SULF2: variants seen among roughly 807,000 people sequenced by gnomAD.
SULF2 encodes extracellular sulfatase Sulf-2.
Under a neutral mutation model 107.7 loss-of-function variants are expected in SULF2, and 52 were observed. The ratio of observed to expected loss-of-function variants is 0.48; its 90% CI spans 0.39 to 0.61. The LOEUF (loss-of-function observed/expected upper bound fraction) is 0.61, where lower values mean the gene tolerates loss of function less well. SULF2 is among the 20% of genes least tolerant of loss of function. The probability of loss-of-function intolerance (pLI) is 0.00; values close to 1 mark genes in which losing one functional copy is unlikely to be tolerated. For missense variants in SULF2, 993 were observed against 1,177.3 expected (o/e 0.84, Z 2.29); for synonymous variants, 460 against 464.3 (o/e 0.99, Z 0.12).
chr20:47,697,015 G>T (rs1245764973), intron 4 of SULF2, among the ~76,000 whole-genome samples: 1 of 152,190 alleles, frequency 6.6e-6, no homozygotes, highest in African/African-American at 2.4e-5. Flanking sequence ...GCTGCGGCAA[G>T]GGGCGGGGCA....
Position 47,768,208 on chromosome 20 carries a change from CAACACACCG to C in SULF2, c.-100-10754_-100-10746del, listed in dbSNP as rs143093225. Among the ~76,000 whole-genome samples the C allele has an allele frequency of 1.7e-3, 255 of 152,296 alleles. 1 individual carries two copies. The highest frequency in any genetic ancestry group is 5.8e-3 in the African/African-American group (241 of 41,554). On this transcript the variant is annotated intron_variant, in intron 1 of 20. Transcript: ENST00000688720. ...TCTTGAGTGGGGTCGGGAATGAAGCCAACACACCGAACACAGCAGTGCTGTGAAATGCAC... is the reference window on the plus strand; with the variant it reads ...TCTTGAGTGGGGTCGGGAATGAAGCCAACACAGCAGTGCTGTGAAATGCAC...
At chr20:47,719,092 A>AT (rs1339429608) in intron 3 of SULF2, among the ~76,000 whole-genome samples, 3 of 152,192 alleles carry the variant, frequency 2.0e-5, no homozygotes. Context: ...AATTACGGAT[A>AT]TTTTCATATC....
intron 3 of SULF2, among the ~76,000 whole-genome samples, chr20:47,720,846 A>G (rs1423543931): frequency 6.6e-6 from 1 of 152,190 alleles, no homozygotes; most frequent in East Asian, 1.9e-4. Flanking sequence ...AGCAGAGAAC[A>G]ATCCCATTAA....
At chr20:47,702,150 C>G (rs779252470) in intron 4 of SULF2, among the ~76,000 whole-genome samples, 3 of 152,136 alleles carry the variant, frequency 2.0e-5, no homozygotes, top group Non-Finnish European at 4.4e-5. Context: ...CTCAAACTCC[C>G]GGGCTTAAGC....
intron 3 of SULF2, among the ~76,000 whole-genome samples, chr20:47,716,315 G>A (rs1213147252): frequency 1.3e-5 from 2 of 152,164 alleles, no homozygotes; most frequent in African/African-American, 2.4e-5. Flanking sequence ...GACCAGCCTG[G>A]CCAATGTGGT....
intron 3 of SULF2, among the ~76,000 whole-genome samples, chr20:47,731,090 T>C (rs116798067): frequency 6.6e-6 from 1 of 151,298 alleles, no homozygotes; most frequent in Non-Finnish European, 1.5e-5. Context: ...GCTGCTGGAG[T>C]GCCAGCCACC....
intron 8 of SULF2, 145 bp from the exon 9 acceptor site, chr20:47,677,279 G>C: frequency 1.2e-6 from 1 of 823,398 alleles, no homozygotes; most frequent in Admixed American, 2.5e-5. Flanking sequence ...GCCCAGCTGG[G>C]CACTAGAGCA....
intron 1 of SULF2, among the ~76,000 whole-genome samples, 187 bp from the exon 2 acceptor site, chr20:47,757,650 A>G (rs1752557668): frequency 6.6e-6 from 1 of 152,124 alleles, no homozygotes; most frequent in Non-Finnish European, 1.5e-5. Context: ...TGGTCAACAG[A>G]CTGGCAGAAA....
intron 7 of SULF2, among the ~76,000 whole-genome samples, chr20:47,681,723 T>C (rs2087829210): frequency 1.3e-5 from 2 of 152,244 alleles, no homozygotes; most frequent in South Asian, 4.1e-4. Flanking sequence ...AGTCTCACTG[T>C]GTCGCCCAGA....
intron 2 of SULF2, among the ~76,000 whole-genome samples, chr20:47,737,245 C>T (rs761385355): frequency 6.6e-6 from 1 of 152,174 alleles, no homozygotes; most frequent in Non-Finnish European, 1.5e-5. Context: ...ACTGTAATTG[C>T]ATCTCTACCT....
chr20:47,758,664 G>A lies in SULF2; in HGVS notation c.-100-1201C>T, dbSNP rs544167422. ...CTGGCTCAAGCAGGTCTCTAATCTC[G>A]CCCTGCTCTTTGCTCTCCGTGGTCA... On this transcript the variant is annotated intron_variant, in intron 1 of 20. Transcript: ENST00000688720. Among the ~76,000 whole-genome samples, 18 of 152,246 alleles carry A rather than the reference G, an allele frequency of 1.2e-4. No homozygotes were observed. In the East Asian group the frequency reaches 2.7e-3, roughly 23 times the overall value.
At chr20:47,750,767 C>T (rs1038838953) in intron 2 of SULF2, among the ~76,000 whole-genome samples, 1 of 152,242 alleles carries the variant, frequency 6.6e-6, no homozygotes, top group Non-Finnish European at 1.5e-5. Context: ...CTTCCTGCTG[C>T]TCTTGTGCAC....
chr20:47,774,650 A>G (rs560491373), intron 1 of SULF2, among the ~76,000 whole-genome samples: 3 of 152,242 alleles, frequency 2.0e-5, no homozygotes, highest in East Asian at 3.9e-4. Context: ...TCGTTTTAAA[A>G]TGTTCATTGC....
At chr20:47,785,913 C>A, upstream of SULF2, 2 of 153,052 alleles carry the variant, frequency 1.3e-5, no homozygotes, top group South Asian at 3.6e-4. Context: ...GCCCCGAAGT[C>A]CAGCTCCGGA....
In SULF2 at chr20:47,676,527, A is replaced by C. The variant is rs765076826; in HGVS notation, c.1347T>G (p.Ala449=). ...YQRVKDLCQR[A]EYQTACEQLG... is the part of the protein sequence containing the mutation. The stretch of plus-strand genomic sequence containing the variant: ...GCTGCTCACACGCCGTCTGGTACTC[A>C]GCACGCTGACACAGGTCCTTCACAC... Residue 449 remains alanine (A), a synonymous_variant, in exon 10 of 21, where the codon GCT becomes GCG. Transcript: ENST00000688720. 3 of 1,602,996 alleles carry C rather than the reference A, an allele frequency of 1.9e-6. No individual in the cohort carries two copies. In the African/African-American group the frequency reaches 4.0e-5, roughly 21 times the overall value.
Position 47,672,286 on chromosome 20 carries a change from G to A in SULF2, c.1488C>T (p.Tyr496=). 1 of 1,613,524 alleles carries A rather than the reference G, an allele frequency of 6.2e-7. No individual in the cohort carries two copies. Among genetic ancestry groups the A allele is most frequent in the Non-Finnish European group, 8.5e-7 (1 of 1,179,970 alleles). The change falls in exon 11 of 21, where the codon TAC becomes TAT. Residue 496 remains tyrosine, a synonymous_variant. Transcript: ENST00000688720. The part of the protein sequence containing the change: ...SRALSNLVPK[Y]YGQGSEACTC... ...TGCAGGCCTCGCTGCCCTGCCCGTAGTACTTGGGCACGAGGTTGGAGAGGG... is the reference window on the plus strand; with the variant it reads ...TGCAGGCCTCGCTGCCCTGCCCGTAATACTTGGGCACGAGGTTGGAGAGGG...
chr20:47,765,037 T>A (rs2090498551), intron 1 of SULF2, among the ~76,000 whole-genome samples: 1 of 152,002 alleles, frequency 6.6e-6, no homozygotes, highest in Non-Finnish European at 1.5e-5. Context: ...CCATCTTCTC[T>A]CCACCTCCAA....
chr20:47,772,913 G>T (rs917022457), intron 1 of SULF2, among the ~76,000 whole-genome samples: 1 of 152,154 alleles, frequency 6.6e-6, no homozygotes, highest in African/African-American at 2.4e-5. Context: ...GTTTGCAGTG[G>T]CCTTTGTCTA....
intron 3 of SULF2, among the ~76,000 whole-genome samples, chr20:47,718,689 G>A (rs1457052563): frequency 6.6e-6 from 1 of 152,114 alleles, no homozygotes; most frequent in Non-Finnish European, 1.5e-5. Context: ...GAGAGTCAAG[G>A]ATAACTCAAG....
Sources: gnomAD v4.1 joint callset for allele counts (sites outside exome capture counted in the v4.1 genomes callset) on GRCh38, gnomAD v4.1.1 for gene constraint, MANE v1.5 for transcripts, NCBI Gene and HGNC (gene_info 2026-07-23, HGNC 2026-07-21) for gene names.